SLC29A3: variants seen among roughly 807,000 people sequenced by gnomAD.
The protein encoded by SLC29A3 is equilibrative nucleoside transporter 3.
SLC29A3 carries 18 observed loss-of-function variants against 25.4 expected under a neutral mutation model. The observed-to-expected ratio is 0.71, with a 90% CI of 0.49 to 1.05. The LOEUF (loss-of-function observed/expected upper bound fraction) is 1.05. SLC29A3 is among the 50% of genes least tolerant of loss of function. SLC29A3 has a pLI of 0.00. For synonymous variants in SLC29A3, 258 were observed against 267.1 expected, an observed-to-expected ratio of 0.97 and a Z score of 0.33; for missense variants, 586 against 609.0, an observed-to-expected ratio of 0.96 and a Z score of 0.40.
At chr10:71,373,604 G>A (rs118163694) in intron 3 of SLC29A3, among the ~76,000 whole-genome samples, 382 of 152,282 alleles carry the variant, frequency 2.5e-3, no homozygotes, top group Non-Finnish European at 4.3e-3. Flanking sequence ...TGCAAAAAGC[G>A]TATCAGATAT....
At chr10:71,373,827 C>T (rs1000509303) in intron 3 of SLC29A3, among the ~76,000 whole-genome samples, 4 of 152,202 alleles carry the variant, frequency 2.6e-5, no homozygotes, top group African/African-American at 4.8e-5. Flanking sequence ...CCCATGGCCC[C>T]AAGGGCAGAC....
intron 4 of SLC29A3, among the ~76,000 whole-genome samples, chr10:71,353,489 C>T (rs780672): frequency 0.64 from 97,382 of 151,962 alleles, 32,858 homozygotes; most frequent in Non-Finnish European, 0.76. Context: ...AAGCGGTCCT[C>T]GGGTTAATCT....
chr10:71,325,914 A>G (rs924541542), intron 2 of SLC29A3, among the ~76,000 whole-genome samples: 4 of 116,856 alleles, frequency 3.4e-5, no homozygotes, highest in African/African-American at 1.0e-4. Context: ...CTATATTAGT[A>G]CTTTTTTTTT....
chr10:71,375,446 C>T (rs1206391727), intron 3 of SLC29A3, among the ~76,000 whole-genome samples: 2 of 152,202 alleles, frequency 1.3e-5, no homozygotes, highest in African/African-American at 4.8e-5. Context: ...TAAAACTCAA[C>T]AGTTTCCCTT....
chr10:71,357,151 A>G (rs1589241238), intron 5 of SLC29A3, among the ~76,000 whole-genome samples: 1 of 152,064 alleles, frequency 6.6e-6, no homozygotes. Flanking sequence ...ACGGTGGCTC[A>G]CGCCTGTAAT....
intron 3 of SLC29A3, among the ~76,000 whole-genome samples, chr10:71,372,568 C>A (rs1847219582): frequency 6.6e-6 from 1 of 152,130 alleles, no homozygotes; most frequent in Non-Finnish European, 1.5e-5. Flanking sequence ...TCTGAGAACC[C>A]CACGAGGAGA....
At chr10:71,335,967 G>T (rs1005037440) in intron 2 of SLC29A3, among the ~76,000 whole-genome samples, 1 of 152,190 alleles carries the variant, frequency 6.6e-6, no homozygotes, top group Non-Finnish European at 1.5e-5. Context: ...GTGTGGAGGT[G>T]GGGGCGGGTG....
At chr10:71,328,501 G>A (rs1311230689) in intron 2 of SLC29A3, among the ~76,000 whole-genome samples, 12 of 152,200 alleles carry the variant, frequency 7.9e-5, no homozygotes, top group African/African-American at 2.9e-4. Flanking sequence ...CCGTAGGTCA[G>A]GAACTGTTAT....
chr10:71,325,106 G>C (rs1055668365), intron 2 of SLC29A3, among the ~76,000 whole-genome samples: 1 of 152,142 alleles, frequency 6.6e-6, no homozygotes, highest in African/African-American at 2.4e-5. Context: ...AAACAAGAAG[G>C]GGGTATGCTA....
Position 71,319,272 on chromosome 10 carries a change from G to C in SLC29A3, c.-38G>C, listed in dbSNP as rs1272077328. 1.6e-6 allele frequency: 1 copy of C among 618,158 alleles called. No homozygotes were observed. Among genetic ancestry groups the C allele is most frequent in the Admixed American group, 2.6e-5 (1 of 39,212 alleles). 38.3% of individuals were successfully genotyped at this position (618,158 alleles called of 1,614,324 possible). ...CCTGCCAAGCCCAGTGGTCCTGGCCGTGCGCCGGAGGCAGCGGCGGCGTGG... is the reference window on the plus strand; with the variant it reads ...CCTGCCAAGCCCAGTGGTCCTGGCCCTGCGCCGGAGGCAGCGGCGGCGTGG... On this transcript the variant is annotated 5_prime_UTR_variant, in exon 1 of 6. Transcript: ENST00000373189.
intron 2 of SLC29A3, among the ~76,000 whole-genome samples, chr10:71,341,161 CCT>C (rs1245514399): frequency 2.6e-5 from 4 of 152,192 alleles, no homozygotes; most frequent in African/African-American, 9.6e-5. Flanking sequence ...GTCCCCCACC[CCT>C]CTCACAGCCA....
intron 2 of SLC29A3, among the ~76,000 whole-genome samples, chr10:71,338,994 T>C (rs938966220): frequency 6.6e-6 from 1 of 152,224 alleles, no homozygotes; most frequent in Non-Finnish European, 1.5e-5. Context: ...CAACCTCAGC[T>C]AGAGCAGCTT....
Position 71,348,088 on chromosome 10 carries a change from G to A in SLC29A3, c.384-3474G>A, listed in dbSNP as rs151239713. Reference sequence around the variant, plus strand: ...TCAAGAAGCAGACAGCCGCTGGGAGGTTCAGACCAGCATGAAACCTCCCCA... The same window carrying A: ...TCAAGAAGCAGACAGCCGCTGGGAGATTCAGACCAGCATGAAACCTCCCCA... On this transcript the variant is annotated intron_variant, in intron 3 of 5. Transcript: ENST00000373189. 1.4e-3 allele frequency among the ~76,000 whole-genome samples: 216 copies of A among 152,326 alleles called. 1 individual carries two copies. The East Asian group carries it at 0.015, about 11-fold the overall frequency.
intron 3 of SLC29A3, among the ~76,000 whole-genome samples, chr10:71,345,005 A>G (rs1295003268): frequency 6.6e-6 from 1 of 152,168 alleles, no homozygotes; most frequent in Non-Finnish European, 1.5e-5. Context: ...CCCAGTTCTA[A>G]TCAATTTGTA....
intron 2 of SLC29A3, among the ~76,000 whole-genome samples, chr10:71,333,180 G>A (rs993869534): frequency 1.3e-5 from 2 of 152,242 alleles, no homozygotes; most frequent in Non-Finnish European, 2.9e-5. Flanking sequence ...GACACAGGCA[G>A]GCAGCCTGGG....
intron 3 of SLC29A3, among the ~76,000 whole-genome samples, chr10:71,371,941 G>A (rs1034449541): frequency 4.6e-5 from 7 of 152,230 alleles, no homozygotes; most frequent in African/African-American, 1.7e-4. Context: ...AAGTGCAGCA[G>A]GTCCTGCTGT....
intron 3 of SLC29A3, among the ~76,000 whole-genome samples, chr10:71,374,607 CT>C (rs1205337281): frequency 2.6e-5 from 4 of 152,168 alleles, no homozygotes; most frequent in Non-Finnish European, 5.9e-5. Flanking sequence ...TTGCCTGCCC[CT>C]GTCCCCATCT....
exon 5 of SLC29A3, chr10:71,380,107 A>G (rs1024791386): frequency 6.6e-6 from 1 of 152,244 alleles, no homozygotes; most frequent in African/African-American, 2.4e-5. Context: ...TGGAGGCCCA[A>G]GGTCATTTGG....
chr10:71,344,634 G>A (rs1254630019), intron 3 of SLC29A3, among the ~76,000 whole-genome samples: 1 of 152,222 alleles, frequency 6.6e-6, no homozygotes, highest in African/African-American at 2.4e-5. Flanking sequence ...TCACCTGACT[G>A]TTCAGTGCTA....
Sources: allele counts gnomAD v4.1 joint callset (sites outside exome capture counted in the v4.1 genomes callset), GRCh38; gene constraint gnomAD v4.1.1; transcripts MANE v1.5; gene names NCBI Gene and HGNC (gene_info 2026-07-23, HGNC 2026-07-21).